Variants in AGGF1 observed in about 807,000 individuals in gnomAD.
The protein encoded by AGGF1 is angiogenic factor with G patch and FHA domains 1.
In AGGF1, 56 loss-of-function variants were observed where a neutral mutation model predicts 86.5. That is an observed-to-expected ratio of 0.65 (90% CI 0.52 to 0.81). The LOEUF (loss-of-function observed/expected upper bound fraction) is 0.81. Ranked by LOEUF, AGGF1 falls within the 30% of genes least tolerant of loss-of-function variation. AGGF1 has a pLI of 0.00. For missense variants in AGGF1, 816 were observed against 850.9 expected (o/e 0.96, Z 0.51); for synonymous variants, 313 against 297.1 (o/e 1.05, Z -0.55).
chr5:77,059,328 CAT>C (rs960623167), intron 11 of AGGF1, among the ~76,000 whole-genome samples: 2 of 152,130 alleles, frequency 1.3e-5, no homozygotes, highest in African/African-American at 4.8e-5. Context: ...ACAATTTCTT[CAT>C]ATCTTTTTTT....
In AGGF1 at chr5:77,035,582, A is replaced by C. The variant is rs1164688731; in HGVS notation, c.355A>C (p.Asn119His). Residue 119 changes from asparagine (N) to histidine (H), a missense_variant, in exon 3 of 14, where the codon AAT becomes CAT. By Grantham distance (68) the Asn-to-His change is moderately conservative. Coordinates refer to ENST00000312916, the MANE Select transcript of AGGF1 (RefSeq NM_018046.5). ...QTYYNDVSLP[N>H]KVTELSDQQD... Reference sequence around the variant, plus strand: ...GTACTACAATGACGTTAGTCTTCCAAATAAAGTGACTGAACTGTCAGATCA... The same window carrying C: ...GTACTACAATGACGTTAGTCTTCCACATAAAGTGACTGAACTGTCAGATCA... 6.2e-7 allele frequency: 1 copy of C among 1,613,384 alleles called. No homozygotes were observed. The highest frequency in any genetic ancestry group is 8.5e-7 in the Non-Finnish European group (1 of 1,179,660).
intron 11 of AGGF1, among the ~76,000 whole-genome samples, 170 bp downstream of exon 11, chr5:77,055,766 G>A (rs1464879342): frequency 2.0e-5 from 3 of 152,138 alleles, no homozygotes; most frequent in African/African-American, 7.2e-5. Context: ...TATTGAAGTT[G>A]GAGTAGAAAA....
chr5:77,049,801 C>T (rs1291708433), intron 8 of AGGF1, among the ~76,000 whole-genome samples: 1 of 152,178 alleles, frequency 6.6e-6, no homozygotes, highest in Admixed American at 6.5e-5. Flanking sequence ...GATCTTGCCT[C>T]TGCCTCCCAA....
intron 1 of AGGF1, among the ~76,000 whole-genome samples, chr5:77,032,252 TAAAAAAAAAAAA>T (rs35068401): frequency 9.3e-6 from 1 of 107,880 alleles, no homozygotes; most frequent in Non-Finnish European, 1.8e-5. Flanking sequence ...ACAAATATGG[TAAAAAAAAAAAA>T]AAAAAAAAAA....
At chr5:77,046,297 G>A (rs1561287586) in intron 5 of AGGF1, 50 bp from the exon 6 acceptor site, 2 of 1,435,316 alleles carry the variant, frequency 1.4e-6, no homozygotes, top group Middle Eastern at 2.1e-4. Context: ...AGATAGTGAT[G>A]TTTAAGAGTA....
intron 6 of AGGF1, 145 bp downstream of exon 6, chr5:77,046,822 C>A: frequency 1.2e-6 from 1 of 831,266 alleles, no homozygotes; most frequent in Middle Eastern, 2.6e-4. Flanking sequence ...TTGTGGGTTG[C>A]CACTTGGTTA....
intron 1 of AGGF1, among the ~76,000 whole-genome samples, chr5:77,032,273 A>C (rs944823896): frequency 6.9e-6 from 1 of 145,890 alleles, no homozygotes; most frequent in Non-Finnish European, 1.5e-5. Context: ...AAAAAAAAAA[A>C]ACAGGGAGAG....
intron 4 of AGGF1, 84 bp from the exon 5 acceptor site, chr5:77,039,447 A>G: frequency 9.9e-7 from 1 of 1,009,654 alleles, no homozygotes. Flanking sequence ...AGAAATATTT[A>G]CCACATTTGA....
Position 77,030,823 on chromosome 5 carries a change from G to T in AGGF1, c.57G>T (p.Glu19Asp). 2 of 1,609,686 alleles carry T rather than the reference G, an allele frequency of 1.2e-6. No homozygotes were observed. ...PRSPPPPTSP[E>D]PELAQLRRKV... ...CGCCGCCGCCGCCCACCTCCCCCGA[G>T]CCTGAGCTGGCCCAGCTAAGGCGGA... Residue 19 changes from glutamate (E) to aspartate (D), a missense_variant, in exon 1 of 14, where the codon GAG (glutamate) becomes GAT (aspartate). This residue lies in a region of AGGF1 where 240 missense variants were observed against 234.4 expected (regional missense o/e 1.02). Transcript: ENST00000312916.
intron 3 of AGGF1, among the ~76,000 whole-genome samples, 154 bp from the exon 4 acceptor site, chr5:77,036,402 A>G (rs529462264): frequency 1.3e-5 from 2 of 152,348 alleles, no homozygotes; most frequent in African/African-American, 4.8e-5. Context: ...TAAATGTTGT[A>G]ATAAGTGGTT....
chr5:77,040,125 TGA>T (rs1747044978), intron 5 of AGGF1, among the ~76,000 whole-genome samples: 1 of 137,056 alleles, frequency 7.3e-6, no homozygotes, highest in African/African-American at 2.7e-5. Flanking sequence ...TTTTTTTTTT[TGA>T]GACAGAGTTT....
rs986772019 is a variant in AGGF1 at position 77,036,684 on chromosome 5, G to A, written c.645G>A (p.Leu215=). The change falls in exon 4 of 14, where the codon CTG becomes CTA. Residue 215 remains leucine (L), a synonymous_variant. Coordinates refer to ENST00000312916, the MANE Select transcript of AGGF1 (RefSeq NM_018046.5). The part of the protein sequence containing the change: ...TGFSYDENTG[L]YFDHSTGFYY... Reference sequence around the variant, plus strand: ...TTAGTTATGATGAAAATACTGGACTGTATTTTGACCACAGCACTGGTTTCT... The same window carrying A: ...TTAGTTATGATGAAAATACTGGACTATATTTTGACCACAGCACTGGTTTCT... 6 of 1,612,812 alleles carry A rather than the reference G, an allele frequency of 3.7e-6. No homozygotes were observed. Among genetic ancestry groups the A allele is most frequent in the Admixed American group, 3.3e-5 (2 of 59,996 alleles).
At chr5:77,054,171 C>G (rs900368077) in intron 10 of AGGF1, 41 bp downstream of exon 10, 1 of 1,608,680 alleles carries the variant, frequency 6.2e-7, no homozygotes, top group African/African-American at 1.3e-5. Context: ...TAACATTTCT[C>G]TTTCATTACC....
At position 77,042,659 on chromosome 5, in the gene AGGF1, C is replaced by T. The variant is rs1171432471; in HGVS notation, c.870+2940C>T. Among the ~76,000 whole-genome samples the T allele has an allele frequency of 1.1e-4, 4 of 36,368 alleles. 1 individual carries two copies. The highest frequency in any genetic ancestry group is 2.0e-4 in the Non-Finnish European group (3 of 15,208). The allele number at this position is 36,368 out of a possible 152,430, so 23.9% of individuals were successfully genotyped here. A position where few individuals can be genotyped will look rare whatever the true frequency, so the allele number is the denominator to read the frequency against. On this transcript the variant is annotated intron_variant, in intron 5 of 13. Coordinates refer to ENST00000312916, the MANE Select transcript of AGGF1 (RefSeq NM_018046.5). ...CTGACCCCCCCACCTCCATCCCGGA[C>T]GGGGCGGCTGGCTGGGCAGAGGGGC...
At chr5:77,043,406 G>T (rs1318686800) in intron 5 of AGGF1, among the ~76,000 whole-genome samples, 1 of 63,092 alleles carries the variant, frequency 1.6e-5, no homozygotes, top group Non-Finnish European at 3.4e-5. Context: ...CCGGGCAGAG[G>T]GGCTCCTCAC....
chr5:77,032,678 G>A (rs1746893269), intron 1 of AGGF1, among the ~76,000 whole-genome samples: 1 of 151,842 alleles, frequency 6.6e-6, no homozygotes, highest in Non-Finnish European at 1.5e-5. Flanking sequence ...AGTACTGCTT[G>A]CGTTAGAGAT....
chr5:77,045,683 C>T (rs1272335749), intron 5 of AGGF1, among the ~76,000 whole-genome samples: 4 of 152,098 alleles, frequency 2.6e-5, no homozygotes. Context: ...ATAAGTAAAG[C>T]TAATTCTGTA....
chr5:77,044,138 G>A (rs892228731), intron 5 of AGGF1, among the ~76,000 whole-genome samples: 1 of 146,378 alleles, frequency 6.8e-6, no homozygotes, highest in South Asian at 2.2e-4. Context: ...CCAGACGATG[G>A]GCGGCCAGGC....
At chr5:77,056,879 A>G (rs1747470949) in intron 11 of AGGF1, among the ~76,000 whole-genome samples, 1 of 152,070 alleles carries the variant, frequency 6.6e-6, no homozygotes, top group African/African-American at 2.4e-5. Flanking sequence ...AGACTTCTAT[A>G]TCTAGAATAT....
Sources: allele counts gnomAD v4.1 joint callset (sites outside exome capture counted in the v4.1 genomes callset), GRCh38; gene constraint gnomAD v4.1.1; regional missense constraint gnomAD v4.1.1; transcripts MANE v1.5; gene names NCBI Gene and HGNC (gene_info 2026-07-23, HGNC 2026-07-21).